The following ROR2 variants were observed in gnomAD, a reference collection of about 807,000 sequenced individuals.
ROR2 encodes the protein tyrosine-protein kinase transmembrane receptor ROR2.
Under a neutral mutation model 74.9 loss-of-function variants are expected in ROR2, and 33 were observed. The ratio of observed to expected loss-of-function variants is 0.44; its 90% CI spans 0.33 to 0.59. The LOEUF (loss-of-function observed/expected upper bound fraction) is 0.59, where lower values mean the gene tolerates loss of function less well. ROR2 is among the 20% of genes least tolerant of loss of function. ROR2 has a pLI of 0.02. For missense variants in ROR2, 1,216 were observed against 1,313.8 expected (o/e 0.93, Z 1.15); for synonymous variants, 586 against 558.7 (o/e 1.05, Z -0.69).
chr9:91,789,206 G>C (rs1185003850), intron 1 of ROR2, among the ~76,000 whole-genome samples: 1 of 152,084 alleles, frequency 6.6e-6, no homozygotes, highest in Non-Finnish European at 1.5e-5. Flanking sequence ...ATATCAGACT[G>C]TGCCTCATAA....
intron 1 of ROR2, among the ~76,000 whole-genome samples, chr9:91,815,949 T>C (rs1827915545): frequency 6.6e-6 from 1 of 151,978 alleles, no homozygotes; most frequent in Admixed American, 6.6e-5. Context: ...TACTGGCCAC[T>C]CTCTACCTGC....
intron 1 of ROR2, among the ~76,000 whole-genome samples, chr9:91,784,276 T>A (rs939401509): frequency 2.0e-5 from 3 of 152,174 alleles, no homozygotes; most frequent in African/African-American, 7.2e-5. Flanking sequence ...CTGTTTGCTC[T>A]ATCTGCAGAA....
intron 1 of ROR2, among the ~76,000 whole-genome samples, chr9:91,938,403 C>A (rs1831757369): frequency 1.3e-5 from 2 of 152,132 alleles, no homozygotes; most frequent in Admixed American, 6.5e-5. Context: ...TTACAGTAAA[C>A]CCTGAGATTG....
chr9:91,821,071 C>T (rs1385992779), intron 1 of ROR2, among the ~76,000 whole-genome samples: 3 of 150,852 alleles, frequency 2.0e-5, no homozygotes, highest in African/African-American at 4.9e-5. Context: ...ACTGCATTCC[C>T]GCCTGGGCAA....
At position 91,852,624 on chromosome 9, in the gene ROR2, A is replaced by ACACACACACAC. The variant is rs1829133234; in HGVS notation, c.98-76807_98-76806insGTGTGTGTGTG. On this transcript the variant is annotated intron_variant, in intron 1 of 8. Transcript: ENST00000375708. ...GTTACAAATAAATGGAAAACACACA[A>ACACACACACAC]ACACACACACACACACACACACACA... 6.8e-3 allele frequency among the ~76,000 whole-genome samples: 847 copies of ACACACACACAC among 123,766 alleles called. 14 individuals carry two copies. The highest frequency in any genetic ancestry group is 0.037 in the East Asian group (160 of 4,336). The allele number at this position is 123,766 out of a possible 152,430, so 81.2% of individuals were successfully genotyped here.
chr9:91,840,494 C>T (rs555881242), intron 1 of ROR2, among the ~76,000 whole-genome samples: 6 of 152,280 alleles, frequency 3.9e-5, no homozygotes, highest in Middle Eastern at 3.4e-3. Flanking sequence ...AGATGTCTGA[C>T]GTTTTCTTTC....
In ROR2 at chr9:91,950,108, T is replaced by G; in HGVS notation, c.-145A>C. 1 of 432,978 alleles carries G rather than the reference T, an allele frequency of 2.3e-6. No homozygotes were observed. Among genetic ancestry groups the G allele is most frequent in the Non-Finnish European group, 4.0e-6 (1 of 250,862 alleles). The allele number at this position is 432,978 out of a possible 1,614,324, so 26.8% of individuals were successfully genotyped here. ...GTCCACTTCGAGGACCTCGTCGTCGTCCTCTTCTCCGGCCCGGATGCGCCG... is the reference window on the plus strand; with the variant it reads ...GTCCACTTCGAGGACCTCGTCGTCGGCCTCTTCTCCGGCCCGGATGCGCCG... On this transcript the variant is annotated 5_prime_UTR_variant, in exon 1 of 9. Transcript: ENST00000375708.
chr9:91,916,329 G>C (rs753023951), intron 1 of ROR2, among the ~76,000 whole-genome samples: 1 of 146,842 alleles, frequency 6.8e-6, no homozygotes, highest in Non-Finnish European at 1.5e-5. Context: ...ATTTTGTTCA[G>C]GTGATGCTCC....
chr9:91,837,513 C>G (rs986043107), intron 1 of ROR2, among the ~76,000 whole-genome samples: 1 of 152,184 alleles, frequency 6.6e-6, no homozygotes, highest in Non-Finnish European at 1.5e-5. Flanking sequence ...CGGGGAGAAG[C>G]CTTGCCATAT....
intron 1 of ROR2, among the ~76,000 whole-genome samples, chr9:91,783,210 T>C (rs1209146156): frequency 1.3e-5 from 2 of 152,292 alleles, no homozygotes; most frequent in African/African-American, 4.8e-5. Flanking sequence ...TAATTACCTG[T>C]GTAAAAACCC....
At chr9:91,931,007 G>T (rs2117954181) in intron 1 of ROR2, among the ~76,000 whole-genome samples, 1 of 152,046 alleles carries the variant, frequency 6.6e-6, no homozygotes, top group East Asian at 1.9e-4. Flanking sequence ...GATTTGGACA[G>T]ATATTTTACA....
At chr9:91,737,656 A>C (rs1825079334) in intron 4 of ROR2, 138 bp from the exon 5 acceptor site, 1 of 1,164,410 alleles carries the variant, frequency 8.6e-7, no homozygotes. Flanking sequence ...AATAAGTAGA[A>C]CACATAAGTC....
chr9:91,771,585 A>G (rs964038611), intron 2 of ROR2, among the ~76,000 whole-genome samples: 22 of 152,324 alleles, frequency 1.4e-4, no homozygotes, highest in African/African-American at 5.3e-4. Flanking sequence ...TTAAACAATG[A>G]CAGTACTTTG....
At chr9:91,901,167 C>A (rs1351367894) in intron 1 of ROR2, among the ~76,000 whole-genome samples, 2 of 152,206 alleles carry the variant, frequency 1.3e-5, no homozygotes, top group Non-Finnish European at 2.9e-5. Flanking sequence ...GAAATGCAAA[C>A]TATACTATAA....
At chr9:91,852,829 T>C (rs1829149275) in intron 1 of ROR2, among the ~76,000 whole-genome samples, 1 of 152,246 alleles carries the variant, frequency 6.6e-6, no homozygotes, top group Admixed American at 6.5e-5. Context: ...TGAAGACTTC[T>C]TTCTCCTCTG....
intron 1 of ROR2, among the ~76,000 whole-genome samples, chr9:91,888,263 T>C (rs999042971): frequency 6.6e-6 from 1 of 152,220 alleles, no homozygotes; most frequent in African/African-American, 2.4e-5. Context: ...GTGAACTGCC[T>C]GTTTATATTT....
At chr9:91,748,285 A>AT (rs909652031) in intron 4 of ROR2, among the ~76,000 whole-genome samples, 27 of 149,650 alleles carry the variant, frequency 1.8e-4, no homozygotes, top group African/African-American at 6.4e-4. Context: ...TCAAAAAAAA[A>AT]AAAATGCCAA....
chr9:91,899,470 C>T (rs1345156979), intron 1 of ROR2, among the ~76,000 whole-genome samples: 2 of 152,136 alleles, frequency 1.3e-5, no homozygotes, highest in Non-Finnish European at 2.9e-5. Context: ...GTGAACACCA[C>T]CCTACCAGTC....
intron 1 of ROR2, among the ~76,000 whole-genome samples, chr9:91,849,215 T>C (rs909153110): frequency 6.6e-6 from 1 of 152,228 alleles, no homozygotes; most frequent in Admixed American, 6.5e-5. Context: ...CCACAAGCTC[T>C]TCTTTACCTC....
Sources: gnomAD v4.1 joint callset for allele counts (sites outside exome capture counted in the v4.1 genomes callset) on GRCh38, gnomAD v4.1.1 for gene constraint, MANE v1.5 for transcripts, NCBI Gene and HGNC (gene_info 2026-07-23, HGNC 2026-07-21) for gene names.